TMEM74: variants seen among roughly 807,000 people sequenced by gnomAD.
TMEM74 encodes transmembrane protein 74.
TMEM74 carries 13 observed loss-of-function variants against 18.1 expected under a neutral mutation model. The observed-to-expected ratio is 0.72, with a 90% CI of 0.47 to 1.14. TMEM74 has a LOEUF of 1.14. Among genes scored for constraint, TMEM74 ranks in the 50% most tolerant of loss-of-function variants. The pLI is 0.00. For synonymous variants in TMEM74, 159 were observed against 146.6 expected (o/e 1.08, Z -0.61); for missense variants, 372 against 375.9 (o/e 0.99, Z 0.09).
At chr8:108,608,079 G>A (rs886988324) in intron 3 of TMEM74, among the ~76,000 whole-genome samples, 2 of 151,916 alleles carry the variant, frequency 1.3e-5, no homozygotes, top group African/African-American at 2.4e-5. Flanking sequence ...CGAGGCGGGT[G>A]GATCACAAGG....
chr8:108,775,435 C>CTA (rs1814222268), downstream of TMEM74, among the ~76,000 whole-genome samples: 1 of 152,194 alleles, frequency 6.6e-6, no homozygotes, highest in African/African-American at 2.4e-5. Flanking sequence ...CTCAAACAGT[C>CTA]TAAGGCTCAT....
chr8:108,784,109 G>T lies in TMEM74; in HGVS notation c.*72C>A. On this transcript the variant is annotated 3_prime_UTR_variant, in exon 2 of 2. Coordinates refer to ENST00000297459, the MANE Select transcript of TMEM74 (RefSeq NM_153015.3). ...TTGCCAGGCAAATAAATTGCACTGT[G>T]AATTTTTATAAATTAACTTTTTTCA... 1 of 1,352,230 alleles carries T rather than the reference G, an allele frequency of 7.4e-7. No homozygotes were observed. Among genetic ancestry groups the T allele is most frequent in the Non-Finnish European group, 1.0e-6 (1 of 1,000,464 alleles). The allele number at this position is 1,352,230 out of a possible 1,614,324, so 83.8% of individuals were successfully genotyped here. A position where few individuals can be genotyped will look rare whatever the true frequency, so the allele number is the denominator to read the frequency against.
intron 1 of TMEM74, among the ~76,000 whole-genome samples, chr8:108,695,372 C>G (rs1299427766): frequency 6.6e-6 from 1 of 152,158 alleles, no homozygotes; most frequent in East Asian, 1.9e-4. Flanking sequence ...TTTTGGCAAG[C>G]ACTTGGGTAC....
rs869263977 is a variant in TMEM74 at position 108,717,942 on chromosome 8, G to GTTTTTT, written n.120-62511_120-62506dup. On this transcript the variant is annotated intron_variant and non_coding_transcript_variant, in intron 1 of 3. Transcript: ENST00000518838. The stretch of plus-strand genomic sequence containing the variant: ...TTTCTAGTGATATGATCTGACTTAG[G>GTTTTTT]TTTTTTTTTTTTTTTTTTTTTTTTT... Among the ~76,000 whole-genome samples, 88 of 45,932 alleles carry GTTTTTT rather than the reference G, an allele frequency of 1.9e-3. 10 individuals carry two copies. The highest frequency in any genetic ancestry group is 2.5e-3 in the Non-Finnish European group (72 of 28,466). 30.1% of individuals were successfully genotyped at this position (45,932 alleles called of 152,430 possible).
chr8:108,766,475 C>T (rs1387938232), intron 1 of TMEM74, among the ~76,000 whole-genome samples: 1 of 152,054 alleles, frequency 6.6e-6, no homozygotes, highest in African/African-American at 2.4e-5. Flanking sequence ...GTTAGAAGGA[C>T]CTTTACAAAA....
At chr8:108,673,144 T>C (rs1027576067) in intron 1 of TMEM74, among the ~76,000 whole-genome samples, 3 of 152,176 alleles carry the variant, frequency 2.0e-5, no homozygotes, top group East Asian at 1.9e-4. Context: ...AAGGAAGTAA[T>C]AGCATGGCTA....
At chr8:108,763,970 G>A (rs1479958605) in intron 1 of TMEM74, among the ~76,000 whole-genome samples, 1 of 152,086 alleles carries the variant, frequency 6.6e-6, no homozygotes, top group Non-Finnish European at 1.5e-5. Context: ...CCTCCCAGTG[G>A]GAAAACAATT....
chr8:108,720,376 G>A (rs1218072186), intron 1 of TMEM74, among the ~76,000 whole-genome samples: 1 of 152,134 alleles, frequency 6.6e-6, no homozygotes, highest in African/African-American at 2.4e-5. Flanking sequence ...TGTGGGAAAT[G>A]GTTAAATAAT....
At chr8:108,787,444 G>C (rs1246267685) in intron 1 of TMEM74, 32 bp downstream of exon 1, 1 of 152,412 alleles carries the variant, frequency 6.6e-6, no homozygotes, top group Non-Finnish European at 1.5e-5. Flanking sequence ...TGCATTCAAA[G>C]CCTCCACCCC....
intron 1 of TMEM74, among the ~76,000 whole-genome samples, chr8:108,746,668 G>C (rs1014929959): frequency 2.0e-5 from 3 of 152,088 alleles, no homozygotes; most frequent in Non-Finnish European, 4.4e-5. Flanking sequence ...CTCAGGATGG[G>C]GGCTGGTTGC....
intron 1 of TMEM74, among the ~76,000 whole-genome samples, chr8:108,759,404 A>G (rs1814014560): frequency 6.6e-6 from 1 of 152,148 alleles, no homozygotes. Flanking sequence ...AATTTATTCT[A>G]TGAATATATT....
chr8:108,739,853 C>T (rs577545513), intron 1 of TMEM74, among the ~76,000 whole-genome samples: 3 of 152,032 alleles, frequency 2.0e-5, no homozygotes, highest in Admixed American at 6.6e-5. Context: ...ATGGGGGCAA[C>T]GAAGTCCGGC....
intron 2 of TMEM74, among the ~76,000 whole-genome samples, chr8:108,620,632 G>A (rs751929141): frequency 6.6e-6 from 1 of 152,128 alleles, no homozygotes; most frequent in African/African-American, 2.4e-5. Flanking sequence ...TTCCAGGTTT[G>A]TGTATATTCT....
chr8:108,732,049 C>T (rs1193776734), intron 1 of TMEM74, among the ~76,000 whole-genome samples: 1 of 152,164 alleles, frequency 6.6e-6, no homozygotes, highest in Admixed American at 6.5e-5. Context: ...CTCCACTCCC[C>T]TCCCATTCTC....
chr8:108,665,324 A>G (rs991585434), intron 1 of TMEM74, among the ~76,000 whole-genome samples: 3 of 152,138 alleles, frequency 2.0e-5, no homozygotes, highest in African/African-American at 4.8e-5. Flanking sequence ...TGTTATTTCA[A>G]TTGGGAAAAT....
chr8:108,721,978 C>T (rs1813590550), intron 1 of TMEM74, among the ~76,000 whole-genome samples: 1 of 152,182 alleles, frequency 6.6e-6, no homozygotes. Flanking sequence ...CAGTGTGTAA[C>T]ATTTTGTTGT....
chr8:108,656,891 A>G (rs1404695707), intron 1 of TMEM74, among the ~76,000 whole-genome samples: 1 of 152,164 alleles, frequency 6.6e-6, no homozygotes, highest in Non-Finnish European at 1.5e-5. Flanking sequence ...ATTTTCTCAT[A>G]TTGAACTTGA....
At position 108,781,494 on chromosome 8, in the gene TMEM74, A is replaced by G. The variant is rs527865305; in HGVS notation, c.*2687T>C. Among the ~76,000 whole-genome samples, 1 of 152,296 alleles carries G rather than the reference A, an allele frequency of 6.6e-6. No individual in the cohort carries two copies. On this transcript the variant is annotated 3_prime_UTR_variant, in exon 2 of 2. Transcript: ENST00000297459. ...GGCAGGATGGATAAGGGCTACATAA[A>G]CCAAATACCCAGGGAAAAGTCGATT...
chr8:108,688,362 G>A (rs549739875), intron 1 of TMEM74, among the ~76,000 whole-genome samples: 1 of 152,182 alleles, frequency 6.6e-6, no homozygotes, highest in Non-Finnish European at 1.5e-5. Context: ...CACAACTCAT[G>A]TTCACGCTCA....
Sources: allele counts gnomAD v4.1 joint callset (sites outside exome capture counted in the v4.1 genomes callset), GRCh38; gene constraint gnomAD v4.1.1; transcripts MANE v1.5; gene names NCBI Gene and HGNC (gene_info 2026-07-23, HGNC 2026-07-21).